PDE4B: variants seen among roughly 807,000 people sequenced by gnomAD.
PDE4B encodes the protein 3',5'-cyclic-AMP phosphodiesterase 4B.
Under a neutral mutation model 82.2 loss-of-function variants are expected in PDE4B, and 20 were observed. The ratio of observed to expected loss-of-function variants is 0.24; its 90% CI spans 0.17 to 0.35. The LOEUF is 0.35. PDE4B is among the 10% of genes least tolerant of loss of function. The pLI is 1.00. For synonymous variants in PDE4B, 320 were observed against 318.9 expected (o/e 1.00, Z -0.04); for missense variants, 655 against 907.2 (o/e 0.72, Z 3.57).
chr1:66,296,139 C>T (rs1014225243), intron 7 of PDE4B, among the ~76,000 whole-genome samples: 1 of 152,114 alleles, frequency 6.6e-6, no homozygotes, highest in Non-Finnish European at 1.5e-5. Context: ...TTTATCTCAG[C>T]CTTATCATGC....
rs117655667 is a variant in PDE4B at position 66,370,019 on chromosome 1, T to C, written c.1845+1050T>C. On this transcript the variant is annotated intron_variant, in intron 16 of 16. Transcript: ENST00000341517. The stretch of plus-strand genomic sequence containing the variant: ...ACAAAAAATTGGTCGAGCATGGTAG[T>C]GTGTGCCTGTAGTCCCAGCTACTCG... 1.4e-3 allele frequency among the ~76,000 whole-genome samples: 213 copies of C among 151,286 alleles called. 3 individuals are homozygous for C. In the East Asian group the frequency reaches 0.036, roughly 25 times the overall value.
chr1:65,910,003 A>G, intron 1 of PDE4B, among the ~76,000 whole-genome samples: 1 of 152,208 alleles, frequency 6.6e-6, no homozygotes, highest in East Asian at 1.9e-4. Flanking sequence ...GTGATAGGTT[A>G]ATAGTCTTGG....
At chr1:66,240,333 A>T (rs1652794434) in intron 3 of PDE4B, among the ~76,000 whole-genome samples, 1 of 152,242 alleles carries the variant, frequency 6.6e-6, no homozygotes, top group Non-Finnish European at 1.5e-5. Context: ...TAAGAAAAAG[A>T]TTCAAACCTA....
chr1:66,248,182 A>G (rs1163804616), intron 4 of PDE4B, among the ~76,000 whole-genome samples: 6 of 152,174 alleles, frequency 3.9e-5, no homozygotes, highest in Non-Finnish European at 8.8e-5. Flanking sequence ...GTGAGACACA[A>G]CACACTCCAC....
At chr1:65,917,861 T>G (rs1647180773) in intron 2 of PDE4B, among the ~76,000 whole-genome samples, 1 of 152,184 alleles carries the variant, frequency 6.6e-6, no homozygotes, top group Non-Finnish European at 1.5e-5. Context: ...TAGATAATAT[T>G]TTTACTTTAA....
chr1:65,876,885 G>A (rs1646650325), intron 1 of PDE4B, among the ~76,000 whole-genome samples: 1 of 152,160 alleles, frequency 6.6e-6, no homozygotes, highest in African/African-American at 2.4e-5. Flanking sequence ...ACAAACCACT[G>A]CTCAAGGAAT....
intron 1 of PDE4B, among the ~76,000 whole-genome samples, chr1:65,874,545 C>A (rs201198589): frequency 6.6e-6 from 1 of 152,196 alleles, no homozygotes. Flanking sequence ...ACTTCAAACT[C>A]TACTACAAGG....
intron 3 of PDE4B, among the ~76,000 whole-genome samples, chr1:66,153,637 C>A (rs1056814315): frequency 6.6e-6 from 1 of 152,226 alleles, no homozygotes; most frequent in Non-Finnish European, 1.5e-5. Flanking sequence ...AAGTTTCCAG[C>A]ACTCTGAGAC....
intron 3 of PDE4B, among the ~76,000 whole-genome samples, chr1:66,183,455 TCTC>T (rs1167716509): frequency 1.3e-5 from 2 of 152,120 alleles, no homozygotes; most frequent in Non-Finnish European, 2.9e-5. Context: ...AAAAGAATGT[TCTC>T]CTTTTCCCCT....
chr1:66,230,541 C>T (rs10493400), intron 3 of PDE4B, among the ~76,000 whole-genome samples: 5,452 of 152,246 alleles, frequency 0.036, 298 homozygotes, highest in African/African-American at 0.12. Flanking sequence ...GATTCCAAGG[C>T]AAATTTGAAA....
chr1:65,862,709 T>C (rs1372218231), intron 1 of PDE4B, among the ~76,000 whole-genome samples: 1 of 152,206 alleles, frequency 6.6e-6, no homozygotes, highest in Non-Finnish European at 1.5e-5. Context: ...ATGCTATTAA[T>C]TACTGCCTCA....
chr1:66,197,397 A>G (rs1648416664), intron 3 of PDE4B, among the ~76,000 whole-genome samples: 1 of 152,180 alleles, frequency 6.6e-6, no homozygotes, highest in East Asian at 1.9e-4. Flanking sequence ...AAAATAACTT[A>G]TAGATGTTAA....
At chr1:66,029,244 A>G (rs1653625584) in intron 3 of PDE4B, among the ~76,000 whole-genome samples, 1 of 152,206 alleles carries the variant, frequency 6.6e-6, no homozygotes, top group Admixed American at 6.5e-5. Flanking sequence ...AGATTTCGTG[A>G]GACATATTCA....
intron 7 of PDE4B, among the ~76,000 whole-genome samples, chr1:66,300,891 T>C (rs1657843221): frequency 6.6e-6 from 1 of 152,212 alleles, no homozygotes; most frequent in Non-Finnish European, 1.5e-5. Context: ...TCTGACTTTC[T>C]TACTGGGGTT....
In PDE4B at chr1:66,066,418, A is replaced by C. The variant is rs931836346; in HGVS notation, c.281+147583A>C. Among the ~76,000 whole-genome samples, 20 of 151,894 alleles carry C rather than the reference A, an allele frequency of 1.3e-4. No individual in the cohort carries two copies. The East Asian group carries it at 3.9e-3, about 29-fold the overall frequency. ...TTTCCTAAGTGTTCAAAGATAAGTT[A>C]TTTTCCAGCATTTCCAGTAGGAAAT... is the stretch of plus-strand genomic sequence containing the variant. On this transcript the variant is annotated intron_variant, in intron 3 of 16. Transcript: ENST00000341517.
intron 3 of PDE4B, among the ~76,000 whole-genome samples, chr1:66,115,595 T>C (rs1229705932): frequency 6.6e-6 from 1 of 152,228 alleles, no homozygotes; most frequent in African/African-American, 2.4e-5. Flanking sequence ...TTGTCTCATA[T>C]AGAATATAGA....
intron 7 of PDE4B, among the ~76,000 whole-genome samples, chr1:66,303,106 T>G (rs942035638): frequency 3.9e-5 from 6 of 152,004 alleles, no homozygotes; most frequent in Admixed American, 6.6e-5. Context: ...CATTCATGAG[T>G]GGTTATTTTT....
chr1:66,045,646 C>T (rs1030074463), intron 3 of PDE4B, among the ~76,000 whole-genome samples: 1 of 151,626 alleles, frequency 6.6e-6, no homozygotes, highest in Non-Finnish European at 1.5e-5. Context: ...TGCTCATCCC[C>T]CAAGATGCCC....
chr1:65,918,900 T>C (rs1407407576), intron 3 of PDE4B, 65 bp downstream of exon 3: 9 of 983,338 alleles, frequency 9.2e-6, no homozygotes, highest in Non-Finnish European at 1.5e-5. Context: ...CAAATACAAT[T>C]TCATAGTATT....
Sources: allele counts gnomAD v4.1 joint callset (sites outside exome capture counted in the v4.1 genomes callset), GRCh38; gene constraint gnomAD v4.1.1; transcripts MANE v1.5; gene names NCBI Gene and HGNC (gene_info 2026-07-23, HGNC 2026-07-21).